STN1: variants seen among roughly 807,000 people sequenced by gnomAD.
STN1 encodes CST complex subunit STN1.
STN1 carries 29 observed loss-of-function variants against 45.5 expected under a neutral mutation model. The ratio of observed to expected loss-of-function variants is 0.64; its 90% CI spans 0.47 to 0.87. The LOEUF is 0.87. STN1 is among the 40% of genes least tolerant of loss of function. The probability of loss-of-function intolerance (pLI) is 0.00; values close to 1 mark genes in which losing one functional copy is unlikely to be tolerated. For missense variants in STN1, 376 were observed against 441.4 expected (o/e 0.85, Z 1.33); for synonymous variants, 148 against 159.0 (o/e 0.93, Z 0.52).
At chr10:103,892,065 A>C (rs950754576) in intron 8 of STN1, 65 bp downstream of exon 8, 1 of 1,291,432 alleles carries the variant, frequency 7.7e-7, no homozygotes, top group Non-Finnish European at 1.1e-6. Flanking sequence ...GTGGTTATTC[A>C]TAAGTAATAA....
chr10:103,910,884 T>C (rs1490383553), intron 2 of STN1, among the ~76,000 whole-genome samples: 1 of 152,114 alleles, frequency 6.6e-6, no homozygotes, highest in Non-Finnish European at 1.5e-5. Flanking sequence ...CTAGATTTGG[T>C]TAATGCACCC....
intron 7 of STN1, among the ~76,000 whole-genome samples, 191 bp downstream of exon 7, chr10:103,897,357 C>A (rs1348210440): frequency 6.6e-6 from 1 of 151,878 alleles, no homozygotes; most frequent in Admixed American, 6.6e-5. Context: ...GCAGGTCCAG[C>A]CTTATGCCTC....
rs1843051730 is a variant in STN1 at position 103,879,301 on chromosome 10, A to AG, written c.*3382_*3383insC. 1 of 152,444 alleles carries AG rather than the reference A, an allele frequency of 6.6e-6. No homozygotes were observed. The highest frequency in any genetic ancestry group is 2.1e-4 in the South Asian group (1 of 4,828). 9.4% of individuals were successfully genotyped at this position (152,444 alleles called of 1,614,324 possible). On this transcript the variant is annotated 3_prime_UTR_variant, in exon 10 of 10. Transcript: ENST00000224950. ...CATGGAACATTCTGTCTATTGGGGG[A>AG]AAATAATAAACAGGGCAAGTAAGAA...
chr10:103,892,878 C>G (rs1378385431), intron 7 of STN1, among the ~76,000 whole-genome samples: 1 of 152,176 alleles, frequency 6.6e-6, no homozygotes, highest in Non-Finnish European at 1.5e-5. Context: ...TCTCTGGAGA[C>G]ACGTTTGCCT....
At chr10:103,907,496 A>T (rs1373917279) in intron 3 of STN1, among the ~76,000 whole-genome samples, 2 of 152,180 alleles carry the variant, frequency 1.3e-5, no homozygotes, top group Admixed American at 6.5e-5. Context: ...CTGTAAGCCT[A>T]ATTTCAGAAA....
intron 5 of STN1, among the ~76,000 whole-genome samples, chr10:103,899,362 T>A (rs1462811389): frequency 6.6e-6 from 1 of 152,226 alleles, no homozygotes; most frequent in African/African-American, 2.4e-5. Flanking sequence ...TATTTCTGAT[T>A]AGCTGTTTTC....
At chr10:103,905,944 A>C (rs1344275732) in intron 3 of STN1, among the ~76,000 whole-genome samples, 2 of 152,166 alleles carry the variant, frequency 1.3e-5, no homozygotes, top group Non-Finnish European at 2.9e-5. Context: ...CTCTTTGCCT[A>C]ATTTCCGACA....
Position 103,907,065 on chromosome 10 carries a change from T to C in STN1, c.230-1909A>G, listed in dbSNP as rs775299012. Among the ~76,000 whole-genome samples, 7 of 151,974 alleles carry C rather than the reference T, an allele frequency of 4.6e-5. No individual in the cohort carries two copies. The East Asian group carries it at 7.8e-4, about 17-fold the overall frequency. ...AGTTTGGGGCTGCAGTGTGCTATGATTGTGCCTGTGATAGCCACTGCACTC... is the reference window on the plus strand; with the variant it reads ...AGTTTGGGGCTGCAGTGTGCTATGACTGTGCCTGTGATAGCCACTGCACTC... On this transcript the variant is annotated intron_variant, in intron 3 of 9. Coordinates refer to ENST00000224950, the MANE Select transcript of STN1 (RefSeq NM_024928.5).
At position 103,882,305 on chromosome 10, in the gene STN1, GTTCCT is replaced by G. The variant is rs1169120094; in HGVS notation, c.*374_*378del. 1.3e-5 allele frequency among the ~76,000 whole-genome samples: 2 copies of G among 152,234 alleles called. No individual in the cohort carries two copies. The highest frequency in any genetic ancestry group is 4.8e-5 in the African/African-American group (2 of 41,464). The stretch of plus-strand genomic sequence containing the variant: ...GTGTGATCAGGCCATATGCCCCTCA[GTTCCT>G]GAATGTTCACTACCCTGTGGTGTCC... On this transcript the variant is annotated 3_prime_UTR_variant, in exon 10 of 10. Transcript: ENST00000224950.
chr10:103,905,716 G>T (rs947536817), intron 3 of STN1, among the ~76,000 whole-genome samples: 1 of 152,094 alleles, frequency 6.6e-6, no homozygotes, highest in Non-Finnish European at 1.5e-5. Context: ...CCTCACCACC[G>T]CAGGGGCTGT....
intron 9 of STN1, 47 bp from the exon 10 acceptor site, chr10:103,882,888 C>T (rs1843079911): frequency 1.3e-6 from 2 of 1,556,452 alleles, no homozygotes; most frequent in African/African-American, 1.4e-5. Flanking sequence ...ACTGTCAGGC[C>T]CTCCTCTGTC....
intron 7 of STN1, among the ~76,000 whole-genome samples, chr10:103,895,277 C>T (rs1843163787): frequency 6.6e-6 from 1 of 152,216 alleles, no homozygotes; most frequent in Non-Finnish European, 1.5e-5. Flanking sequence ...CAAAGGTTCC[C>T]CACAGATCAT....
Position 103,882,567 on chromosome 10 carries a change from T to G in STN1, c.*117A>C. 1 of 1,068,206 alleles carries G rather than the reference T, an allele frequency of 9.4e-7. No individual in the cohort carries two copies. Among genetic ancestry groups the G allele is most frequent in the Non-Finnish European group, 1.3e-6 (1 of 752,062 alleles). 66.2% of individuals were successfully genotyped at this position (1,068,206 alleles called of 1,614,324 possible). On this transcript the variant is annotated 3_prime_UTR_variant, in exon 10 of 10. Coordinates refer to ENST00000224950, the MANE Select transcript of STN1 (RefSeq NM_024928.5). The stretch of plus-strand genomic sequence containing the variant: ...TTCCCAAGATGACTATATTTTATAG[T>G]TTATTATGAGGTAACTGCCTCCAGA...
intron 7 of STN1, among the ~76,000 whole-genome samples, 190 bp downstream of exon 7, chr10:103,897,358 C>A (rs1212004046): frequency 1.3e-5 from 2 of 152,088 alleles, no homozygotes; most frequent in African/African-American, 2.4e-5. Flanking sequence ...CAGGTCCAGC[C>A]TTATGCCTCA....
chr10:103,893,149 G>T (rs924537679), intron 7 of STN1, among the ~76,000 whole-genome samples: 1 of 151,888 alleles, frequency 6.6e-6, no homozygotes, highest in Non-Finnish European at 1.5e-5. Flanking sequence ...AGAAAAGGGC[G>T]AACAACAATT....
chr10:103,889,221 G>T (rs1843122965), intron 8 of STN1, 77 bp from the exon 9 acceptor site: 6 of 890,972 alleles, frequency 6.7e-6, no homozygotes, highest in Non-Finnish European at 9.5e-6. Context: ...TTCCAAATTA[G>T]TATTCAGGAT....
chr10:103,885,319 G>C (rs998771997), intron 9 of STN1, among the ~76,000 whole-genome samples: 4 of 152,154 alleles, frequency 2.6e-5, no homozygotes, highest in African/African-American at 7.2e-5. Flanking sequence ...ACACAGACCT[G>C]CACACGGTAG....
chr10:103,910,710 TA>T (rs974004380), intron 2 of STN1, 88 bp from the exon 3 acceptor site: 4 of 690,636 alleles, frequency 5.8e-6, no homozygotes, highest in Non-Finnish European at 1.0e-5. Context: ...GAAGGGAGTG[TA>T]AAAAAATCAA....
At chr10:103,903,488 T>C (rs1337373215) in intron 4 of STN1, among the ~76,000 whole-genome samples, 1 of 151,912 alleles carries the variant, frequency 6.6e-6, no homozygotes, top group Non-Finnish European at 1.5e-5. Context: ...TAATGGGAGG[T>C]GTTTAGGTTA....
Sources: allele counts gnomAD v4.1 joint callset (sites outside exome capture counted in the v4.1 genomes callset), GRCh38; gene constraint gnomAD v4.1.1; transcripts MANE v1.5; gene names NCBI Gene and HGNC (gene_info 2026-07-23, HGNC 2026-07-21).